Variants in TMEM69 observed in about 807,000 individuals in gnomAD.
TMEM69 encodes chromosome 1 open reading frame 154.
Under a neutral mutation model 15.8 loss-of-function variants are expected in TMEM69, and 17 were observed. That is an observed-to-expected ratio of 1.07 (90% CI 0.73 to 1.61). The LOEUF (loss-of-function observed/expected upper bound fraction) is 1.61, where lower values mean the gene tolerates loss of function less well. Ranked by LOEUF, TMEM69 falls within the 40% of genes most tolerant of loss-of-function variation. The pLI is 0.00. For synonymous variants in TMEM69, 80 were observed against 98.6 expected, an observed-to-expected ratio of 0.81 and a Z score of 1.12; for missense variants, 230 against 286.1, an observed-to-expected ratio of 0.80 and a Z score of 1.41.
At chr1:45,692,419 C>T (rs1430991449) in intron 2 of TMEM69, among the ~76,000 whole-genome samples, 1 of 152,056 alleles carries the variant, frequency 6.6e-6, no homozygotes, top group African/African-American at 2.4e-5. Flanking sequence ...AGTCTGGTCA[C>T]TAAAACACAG....
chr1:45,690,427 G>A (rs1302022240), intron 1 of TMEM69, among the ~76,000 whole-genome samples: 1 of 152,148 alleles, frequency 6.6e-6, no homozygotes, highest in Non-Finnish European at 1.5e-5. Flanking sequence ...GCTTGAACCC[G>A]GTAGGCAGAT....
Position 45,694,082 on chromosome 1 carries a change from G to T in TMEM69, c.*177G>T. 1 of 455,928 alleles carries T rather than the reference G, an allele frequency of 2.2e-6. No homozygotes were observed. The highest frequency in any genetic ancestry group is 3.8e-6 in the Non-Finnish European group (1 of 262,734). 28.2% of individuals were successfully genotyped at this position (455,928 alleles called of 1,614,324 possible). A position where few individuals can be genotyped will look rare whatever the true frequency, so the allele number is the denominator to read the frequency against. ...GACAGCCTTGTGTGTGATCTTTTCT[G>T]TCTTCCCCAAGTTTGCATTTTCGAC... On this transcript the variant is annotated 3_prime_UTR_variant, in exon 3 of 3. Coordinates refer to ENST00000372025, the MANE Select transcript of TMEM69 (RefSeq NM_016486.4).
In TMEM69 at chr1:45,690,995, C is replaced by T. The variant is rs1645341137; in HGVS notation, c.-74C>T. 6.5e-7 allele frequency: 1 copy of T among 1,542,698 alleles called. No homozygotes were observed. The highest frequency in any genetic ancestry group is 1.4e-5 in the African/African-American group (1 of 73,448). ...ACAGAAACATGCCCCTGATTCAGTG[C>T]CTCTGCTTAGCTGTAACATGTTAAT... On this transcript the variant is annotated 5_prime_UTR_variant, in exon 2 of 3. Transcript: ENST00000372025.
intron 1 of TMEM69, among the ~76,000 whole-genome samples, 185 bp from the exon 2 acceptor site, chr1:45,690,789 C>G (rs901506820): frequency 6.6e-6 from 1 of 152,158 alleles, no homozygotes; most frequent in Non-Finnish European, 1.5e-5. Flanking sequence ...TTCTATTACA[C>G]TAGACAGCCA....
chr1:45,692,175 C>T (rs1569923716), intron 2 of TMEM69, among the ~76,000 whole-genome samples: 2 of 152,038 alleles, frequency 1.3e-5, no homozygotes, highest in East Asian at 3.9e-4. Context: ...ATTAATACAT[C>T]AACTGGTAAA....
intron 2 of TMEM69, among the ~76,000 whole-genome samples, 177 bp downstream of exon 2, chr1:45,691,287 C>T (rs1400563440): frequency 3.3e-5 from 5 of 152,152 alleles, no homozygotes; most frequent in Admixed American, 6.5e-5. Context: ...CAGTGGCTCA[C>T]GCCTGTAGTC....
Position 45,693,967 on chromosome 1 carries a change from T to G in TMEM69, c.*62T>G. 1 of 1,183,958 alleles carries G rather than the reference T, an allele frequency of 8.4e-7. No homozygotes were observed. 73.3% of individuals were successfully genotyped at this position (1,183,958 alleles called of 1,614,324 possible). On this transcript the variant is annotated 3_prime_UTR_variant, in exon 3 of 3. Transcript: ENST00000372025. ...CCCAGCTGCTGCCCCGTCTGGGAAG[T>G]GAGGAGCGCCTCTGCCTGGCCGCCT...
chr1:45,690,533 A>T (rs867611479), intron 1 of TMEM69, among the ~76,000 whole-genome samples: 1 of 152,150 alleles, frequency 6.6e-6, no homozygotes, highest in Non-Finnish European at 1.5e-5. Flanking sequence ...AAAAACCTAA[A>T]TTATATTGGT....
At chr1:45,691,902 C>T (rs527479483) in intron 2 of TMEM69, among the ~76,000 whole-genome samples, 1 of 80,742 alleles carries the variant, frequency 1.2e-5, no homozygotes, top group South Asian at 4.8e-4. Context: ...AATCCCAAAA[C>T]TTTGGGATGC....
intron 2 of TMEM69, among the ~76,000 whole-genome samples, chr1:45,692,290 C>T (rs1387673102): frequency 2.0e-5 from 3 of 152,148 alleles, no homozygotes; most frequent in Non-Finnish European, 4.4e-5. Context: ...GAGGGAAGAG[C>T]AGTAAATATG....
Position 45,693,420 on chromosome 1 carries a change from A to G in TMEM69, c.259A>G (p.Ile87Val), listed in dbSNP as rs1188551035. The G allele has an allele frequency of 6.2e-7, 1 of 1,614,192 alleles. No homozygotes were observed. Among genetic ancestry groups the G allele is most frequent in the Admixed American group, 1.7e-5 (1 of 60,010 alleles). ...ACTTCTAGCCAGACCCTCAAGCACC[A>G]TCACTTACCTAACTGACAGCCCAAA... ...QALLARPSST[I>V]TYLTDSPKPA... Residue 87 changes from isoleucine (I) to valine (V), a missense_variant, in exon 3 of 3, where the codon ATC becomes GTC. Ile to Val is a conservative substitution (Grantham distance 29). Transcript: ENST00000372025.
intron 2 of TMEM69, 100 bp from the exon 3 acceptor site, chr1:45,693,099 TGCTCC>T: frequency 1.3e-6 from 1 of 783,086 alleles, no homozygotes; most frequent in Non-Finnish European, 2.0e-6. Flanking sequence ...CTTTTTTGTT[TGCTCC>T]TTTCAAACAA....
At chr1:45,692,397 C>T (rs1399941191) in intron 2 of TMEM69, among the ~76,000 whole-genome samples, 3 of 152,122 alleles carry the variant, frequency 2.0e-5, no homozygotes, top group African/African-American at 7.2e-5. Flanking sequence ...TAATGCAACA[C>T]TTTTTAGTTG....
chr1:45,690,835 A>G (rs1190936911), intron 1 of TMEM69, 139 bp from the exon 2 acceptor site: 3 of 564,892 alleles, frequency 5.3e-6, no homozygotes, highest in African/African-American at 3.8e-5. Context: ...AAAAGGATCT[A>G]TTTTGTTACT....
intron 2 of TMEM69, among the ~76,000 whole-genome samples, chr1:45,692,491 C>T (rs1645350975): frequency 1.3e-5 from 2 of 152,094 alleles, no homozygotes; most frequent in South Asian, 4.2e-4. Context: ...GATTTTAAGG[C>T]AAGGAAAAAA....
At position 45,693,965 on chromosome 1, in the gene TMEM69, A is replaced by C. The variant is rs1301246895; in HGVS notation, c.*60A>C. ...TGCCCAGCTGCTGCCCCGTCTGGGA[A>C]GTGAGGAGCGCCTCTGCCTGGCCGC... On this transcript the variant is annotated 3_prime_UTR_variant, in exon 3 of 3. Coordinates refer to ENST00000372025, the MANE Select transcript of TMEM69 (RefSeq NM_016486.4). 1.7e-6 allele frequency: 2 copies of C among 1,202,814 alleles called. No homozygotes were observed. The highest frequency in any genetic ancestry group is 3.1e-5 in the African/African-American group (2 of 65,338). 74.5% of individuals were successfully genotyped at this position (1,202,814 alleles called of 1,614,324 possible).
At position 45,691,031 on chromosome 1, in the gene TMEM69, T is replaced by C; in HGVS notation, c.-38T>C. On this transcript the variant is annotated 5_prime_UTR_variant, in exon 2 of 3. Coordinates refer to ENST00000372025, the MANE Select transcript of TMEM69 (RefSeq NM_016486.4). ...CTGTAACATGTTAATCAGAACTACCTGGCATCTTCCTGAACAAGACTTTCA... is the reference window on the plus strand; with the variant it reads ...CTGTAACATGTTAATCAGAACTACCCGGCATCTTCCTGAACAAGACTTTCA... 1 of 1,613,746 alleles carries C rather than the reference T, an allele frequency of 6.2e-7. No individual in the cohort carries two copies. The highest frequency in any genetic ancestry group is 8.5e-7 in the Non-Finnish European group (1 of 1,179,700).
At position 45,694,150 on chromosome 1, in the gene TMEM69, A is replaced by G; in HGVS notation, c.*245A>G. ...AGTTAAAAGTTTTAAAAATATATAT[A>G]TATAAATACACTGTAGATAACATTT... is the stretch of plus-strand genomic sequence containing the variant. On this transcript the variant is annotated 3_prime_UTR_variant, in exon 3 of 3. Transcript: ENST00000372025. 1 of 400,034 alleles carries G rather than the reference A, an allele frequency of 2.5e-6. No homozygotes were observed. Among genetic ancestry groups the G allele is most frequent in the South Asian group, 3.9e-5 (1 of 25,958 alleles). The allele number at this position is 400,034 out of a possible 1,614,324, so 24.8% of individuals were successfully genotyped here.
intron 2 of TMEM69, among the ~76,000 whole-genome samples, chr1:45,691,557 T>A (rs1645345200): frequency 6.7e-6 from 1 of 150,134 alleles, no homozygotes; most frequent in African/African-American, 2.5e-5. Context: ...AAAAAAAAAT[T>A]GGCTAGGTGC....
Sources: allele counts gnomAD v4.1 joint callset (sites outside exome capture counted in the v4.1 genomes callset), GRCh38; gene constraint gnomAD v4.1.1; transcripts MANE v1.5; gene names NCBI Gene and HGNC (gene_info 2026-07-23, HGNC 2026-07-21).